FHIT: variants seen among roughly 807,000 people sequenced by gnomAD.
The protein encoded by FHIT is fragile histidine triad diadenosine triphosphatase.
Under a neutral mutation model 17.9 loss-of-function variants are expected in FHIT, and 19 were observed. That is an observed-to-expected ratio of 1.06 (90% CI 0.74 to 1.56). FHIT has a LOEUF of 1.56. Among genes scored for constraint, FHIT ranks in the 40% most tolerant of loss-of-function variants. FHIT has a pLI of 0.00. For missense variants in FHIT, 248 were observed against 189.2 expected, an observed-to-expected ratio of 1.31 and a Z score of -1.82; for synonymous variants, 81 against 69.7, an observed-to-expected ratio of 1.16 and a Z score of -0.81.
intron 2 of FHIT, among the ~76,000 whole-genome samples, chr3:61,172,617 T>C (rs2038038420): frequency 6.6e-6 from 1 of 152,218 alleles, no homozygotes; most frequent in African/African-American, 2.4e-5. Context: ...AAAATACAGT[T>C]ACTAAGATAA....
chr3:60,693,500 TC>T (rs2041040894), intron 4 of FHIT, among the ~76,000 whole-genome samples: 1 of 152,152 alleles, frequency 6.6e-6, no homozygotes, highest in Admixed American at 6.5e-5. Context: ...CCTCTGAAAA[TC>T]CCTGTGTTTA....
chr3:60,367,117 C>T (rs1700137035), intron 5 of FHIT, among the ~76,000 whole-genome samples: 2 of 152,192 alleles, frequency 1.3e-5, no homozygotes, highest in African/African-American at 2.4e-5. Flanking sequence ...CTCAACCTTC[C>T]CCTAAGAATA....
rs540073074 is a variant in FHIT at position 60,612,088 on chromosome 3, TG to T, written c.-17-75110del. Among the ~76,000 whole-genome samples the T allele has an allele frequency of 2.2e-4, 34 of 152,268 alleles. 1 individual carries two copies. Among genetic ancestry groups the T allele is most frequent in the Non-Finnish European group, 3.5e-4 (24 of 68,014 alleles). On this transcript the variant is annotated intron_variant, in intron 4 of 9. Transcript: ENST00000492590. ...GCCCAGAAATAATACCTGCCTATCC[TG>T]ACTTCTTACCCAAACCTGGGGCTAC... is the stretch of plus-strand genomic sequence containing the variant.
intron 5 of FHIT, among the ~76,000 whole-genome samples, chr3:60,415,682 G>A (rs1404513121): frequency 6.7e-6 from 1 of 149,740 alleles, no homozygotes; most frequent in Non-Finnish European, 1.5e-5. Context: ...CAAGCTCAGA[G>A]ACAGAATGTT....
At chr3:60,753,247 T>C (rs79268894) in intron 4 of FHIT, among the ~76,000 whole-genome samples, 5,122 of 152,252 alleles carry the variant, frequency 0.034, 299 homozygotes, top group African/African-American at 0.11. Context: ...ATAAGAAGTT[T>C]ATGAACTATT....
intron 5 of FHIT, among the ~76,000 whole-genome samples, chr3:60,054,296 G>T (rs1362351810): frequency 6.6e-6 from 1 of 152,146 alleles, no homozygotes; most frequent in African/African-American, 2.4e-5. Flanking sequence ...CTATTTTCAA[G>T]CACAAAGTTA....
chr3:61,251,036 C>G (rs940981067), intron 1 of FHIT, among the ~76,000 whole-genome samples: 10 of 152,304 alleles, frequency 6.6e-5, no homozygotes, highest in African/African-American at 1.2e-4. Context: ...GACCCGCTGG[C>G]GTGGCCCCGT....
chr3:60,117,813 T>C (rs980430491), intron 5 of FHIT, among the ~76,000 whole-genome samples: 27 of 148,196 alleles, frequency 1.8e-4, no homozygotes, highest in Middle Eastern at 3.2e-3. Context: ...GAAAAAAAAA[T>C]CCCCTGCTTC....
In FHIT at chr3:60,445,134, G is replaced by A. The variant is rs185192096; in HGVS notation, c.103+91726C>T. Among the ~76,000 whole-genome samples the A allele has an allele frequency of 1.4e-3, 206 of 152,142 alleles. 1 individual carries two copies. The highest frequency in any genetic ancestry group is 0.012 in the Admixed American group (186 of 15,272). On this transcript the variant is annotated intron_variant, in intron 5 of 9. Coordinates refer to ENST00000492590, the MANE Select transcript of FHIT (RefSeq NM_002012.4). ...ATATGGTAATCAAATACTAATGCACGTAAGTATTGCTTGGAAAACAGAGTA... is the reference window on the plus strand; with the variant it reads ...ATATGGTAATCAAATACTAATGCACATAAGTATTGCTTGGAAAACAGAGTA...
chr3:59,982,093 C>G (rs1708680488), intron 7 of FHIT, among the ~76,000 whole-genome samples: 1 of 152,160 alleles, frequency 6.6e-6, no homozygotes, highest in Non-Finnish European at 1.5e-5. Context: ...GATAAATAGA[C>G]TATTCAAACA....
At chr3:60,464,827 T>C (rs1217560747) in intron 5 of FHIT, among the ~76,000 whole-genome samples, 1 of 152,014 alleles carries the variant, frequency 6.6e-6, no homozygotes, top group Non-Finnish European at 1.5e-5. Context: ...AACACGGGGG[T>C]ACAGATAGCT....
At chr3:60,557,487 G>A (rs1439354522) in intron 4 of FHIT, among the ~76,000 whole-genome samples, 2 of 151,844 alleles carry the variant, frequency 1.3e-5, no homozygotes, top group African/African-American at 4.8e-5. Flanking sequence ...TGTCTGTTTG[G>A]TTTTCCATAG....
chr3:60,331,489 C>T (rs1304874600), intron 5 of FHIT, among the ~76,000 whole-genome samples: 4 of 152,164 alleles, frequency 2.6e-5, no homozygotes, highest in African/African-American at 9.7e-5. Flanking sequence ...CTAACTCTGC[C>T]CTCATGCCTG....
At chr3:60,585,263 C>T (rs1426237747) in intron 4 of FHIT, among the ~76,000 whole-genome samples, 7 of 151,860 alleles carry the variant, frequency 4.6e-5, no homozygotes, top group African/African-American at 1.7e-4. Context: ...GCTCCTGAAA[C>T]GATACAACAC....
In FHIT at chr3:59,810,619, T is replaced by C. The variant is rs56334249; in HGVS notation, c.349-58298A>G. Among the ~76,000 whole-genome samples the C allele has an allele frequency of 8.8e-3, 1,337 of 152,322 alleles. 16 individuals carry two copies. The highest frequency in any genetic ancestry group is 0.03 in the African/African-American group (1,260 of 41,558). On this transcript the variant is annotated intron_variant, in intron 8 of 9. Coordinates refer to ENST00000492590, the MANE Select transcript of FHIT (RefSeq NM_002012.4). ...ATTAAAATGCCTTTATGTTCTGATA[T>C]ACACAGATGTGTTAATTTATAGCAT... is the stretch of plus-strand genomic sequence containing the variant.
chr3:59,887,711 C>G (rs1189485902), intron 8 of FHIT, among the ~76,000 whole-genome samples: 1 of 152,184 alleles, frequency 6.6e-6, no homozygotes, highest in Non-Finnish European at 1.5e-5. Context: ...GCAGCACATC[C>G]TACACTTTCT....
chr3:61,148,976 T>C (rs986458508), intron 2 of FHIT, among the ~76,000 whole-genome samples: 6 of 152,244 alleles, frequency 3.9e-5, no homozygotes, highest in African/African-American at 1.4e-4. Context: ...AATGGAAAGA[T>C]TCTCAAAGGC....
intron 8 of FHIT, among the ~76,000 whole-genome samples, chr3:59,837,009 A>G (rs995545571): frequency 6.6e-6 from 1 of 152,188 alleles, no homozygotes; most frequent in African/African-American, 2.4e-5. Context: ...TATTCCATTC[A>G]ACACTAGTAT....
chr3:60,412,423 T>C (rs242196), intron 5 of FHIT, among the ~76,000 whole-genome samples: 39,065 of 151,920 alleles, frequency 0.26, 6,456 homozygotes, highest in Non-Finnish European at 0.37. Flanking sequence ...AATCATCATC[T>C]CCCTTCTGTC....
Sources: allele counts gnomAD v4.1 joint callset (sites outside exome capture counted in the v4.1 genomes callset), GRCh38; gene constraint gnomAD v4.1.1; transcripts MANE v1.5; gene names NCBI Gene and HGNC (gene_info 2026-07-23, HGNC 2026-07-21).